Variants in SNAP91 observed in about 807,000 individuals in gnomAD.
The protein encoded by SNAP91 is clathrin coat assembly protein AP180.
In SNAP91, 27 loss-of-function variants were observed where a neutral mutation model predicts 100.3. That is an observed-to-expected ratio of 0.27 (90% confidence interval 0.20 to 0.37). SNAP91 has a LOEUF of 0.37. Among genes scored for constraint, SNAP91 ranks in the 10% least tolerant of loss-of-function variants. SNAP91 has a pLI of 1.00. For missense variants in SNAP91, 986 were observed against 1,123.7 expected (o/e 0.88, Z 1.75); for synonymous variants, 404 against 398.6 (o/e 1.01, Z -0.16).
At chr6:83,665,244 A>G (rs2098657706) in intron 3 of SNAP91, among the ~76,000 whole-genome samples, 195 bp downstream of exon 3, 1 of 151,972 alleles carries the variant, frequency 6.6e-6, no homozygotes, top group African/African-American at 2.4e-5. Flanking sequence ...CTCTAAGACA[A>G]TGTCTAACTT....
chr6:83,556,767 G>A (rs1282739904), intron 28 of SNAP91, among the ~76,000 whole-genome samples: 2 of 152,218 alleles, frequency 1.3e-5, no homozygotes, highest in Non-Finnish European at 1.5e-5. Flanking sequence ...TTTTCCTGTA[G>A]TGAGAGTGAA....
chr6:83,680,285 G>A (rs965866804), intron 2 of SNAP91, among the ~76,000 whole-genome samples: 8 of 152,120 alleles, frequency 5.3e-5, no homozygotes, highest in African/African-American at 1.9e-4. Context: ...AAAGGAATAA[G>A]TAAGGTTTTA....
intron 6 of SNAP91, among the ~76,000 whole-genome samples, chr6:83,658,191 G>A (rs779864993): frequency 6.6e-6 from 1 of 152,126 alleles, no homozygotes; most frequent in Non-Finnish European, 1.5e-5. Context: ...TTATCCTAAT[G>A]GTAACATCCT....
chr6:83,605,636 A>G lies in SNAP91; in HGVS notation c.1141+49T>C, dbSNP rs1224493214. 4.5e-6 allele frequency: 7 copies of G among 1,547,190 alleles called. No homozygotes were observed. The Middle Eastern group carries it at 6.7e-4, about 148-fold the overall frequency. ...AACAATTATAGCCTAAGTAAAAACA[A>G]TGAAATAAAATGAATAGAGAAATGG... On this transcript the variant is annotated intron_variant, in intron 14 of 29. Coordinates refer to ENST00000369694, the MANE Select transcript of SNAP91 (RefSeq NM_001242792.2).
Position 83,560,118 on chromosome 6 carries a change from C to T in SNAP91, c.2617G>A (p.Val873Ile). 6.2e-7 allele frequency: 1 copy of T among 1,613,828 alleles called. No individual in the cohort carries two copies. The highest frequency in any genetic ancestry group is 8.5e-7 in the Non-Finnish European group (1 of 1,179,780). The change falls in exon 28 of 30, where the codon GTA becomes ATA. Residue 873 changes from valine to isoleucine, a missense_variant. Around this residue, in one of 4 missense-constraint regions of SNAP91, gnomAD observed 71 missense variants for 68.5 expected, o/e 1.04. Coordinates refer to ENST00000369694, the MANE Select transcript of SNAP91 (RefSeq NM_001242792.2). ...MMRPPFGAAA[V>I]PGTQLSPSPT... The stretch of plus-strand genomic sequence containing the variant: ...AAGAAACTGACCTGCGTGCCAGGTA[C>T]AGCGGCAGCTCCAAAGGGGGGCCTC...
chr6:83,619,110 T>C (rs553616779), intron 9 of SNAP91, among the ~76,000 whole-genome samples: 1 of 120,956 alleles, frequency 8.3e-6, no homozygotes, highest in East Asian at 2.6e-4. Context: ...TAAGTAGAAG[T>C]CACAAAAAAA....
chr6:83,665,005 T>C (rs1447716688), intron 3 of SNAP91, among the ~76,000 whole-genome samples: 1 of 152,110 alleles, frequency 6.6e-6, no homozygotes, highest in Non-Finnish European at 1.5e-5. Context: ...AGATGATCAT[T>C]TGATAATAAT....
intron 8 of SNAP91, among the ~76,000 whole-genome samples, 174 bp downstream of exon 8, chr6:83,640,922 A>C (rs1260030649): frequency 6.6e-6 from 1 of 152,192 alleles, no homozygotes; most frequent in Non-Finnish European, 1.5e-5. Context: ...GCTCTGAGTG[A>C]GAAGTTGGAT....
intron 8 of SNAP91, among the ~76,000 whole-genome samples, chr6:83,631,315 G>C (rs918786924): frequency 6.6e-6 from 1 of 152,096 alleles, no homozygotes; most frequent in African/African-American, 2.4e-5. Context: ...TGTATATTCT[G>C]TGGTTGATGG....
chr6:83,625,319 T>C (rs2096890475), intron 8 of SNAP91, among the ~76,000 whole-genome samples: 1 of 152,140 alleles, frequency 6.6e-6, no homozygotes, highest in Non-Finnish European at 1.5e-5. Context: ...ATTCCATGTC[T>C]TTGCTATTTG....
chr6:83,679,921 A>ATT (rs893600249), intron 2 of SNAP91, among the ~76,000 whole-genome samples: 1 of 150,890 alleles, frequency 6.6e-6, no homozygotes, highest in African/African-American at 2.4e-5. Context: ...GTCCACTTAC[A>ATT]TTTTTTTTTC....
At chr6:83,654,627 G>A (rs1195783141) in intron 7 of SNAP91, among the ~76,000 whole-genome samples, 3 of 147,268 alleles carry the variant, frequency 2.0e-5, no homozygotes, top group African/African-American at 7.3e-5. Context: ...TGAATGCATA[G>A]TTTGAGTAGA....
At chr6:83,695,193 C>A (rs1343836340) in intron 2 of SNAP91, among the ~76,000 whole-genome samples, 1 of 143,700 alleles carries the variant, frequency 7.0e-6, no homozygotes, top group Admixed American at 7.5e-5. Flanking sequence ...AGGAGAATCA[C>A]CAGAACCCAG....
At chr6:83,555,192 C>G (rs376043548) in intron 29 of SNAP91, among the ~76,000 whole-genome samples, 4 of 151,256 alleles carry the variant, frequency 2.6e-5, no homozygotes, top group East Asian at 1.9e-4. Context: ...ATGTTAATAC[C>G]TTAGAATAAT....
At chr6:83,641,900 C>T (rs1224225768) in intron 7 of SNAP91, among the ~76,000 whole-genome samples, 3 of 152,170 alleles carry the variant, frequency 2.0e-5, no homozygotes, top group Non-Finnish European at 4.4e-5. Context: ...AGAATGCTGT[C>T]ATTAGGGAAC....
intron 26 of SNAP91, among the ~76,000 whole-genome samples, chr6:83,567,305 T>C (rs1436965628): frequency 6.6e-6 from 1 of 152,142 alleles, no homozygotes; most frequent in African/African-American, 2.4e-5. Flanking sequence ...TATTTCTGAA[T>C]TGCAAATGTC....
chr6:83,661,796 C>A (rs1430465157), intron 4 of SNAP91, among the ~76,000 whole-genome samples, 192 bp from the exon 5 acceptor site: 1 of 152,136 alleles, frequency 6.6e-6, no homozygotes, highest in African/African-American at 2.4e-5. Context: ...TTCCAGGATT[C>A]TTCAATTACT....
At chr6:83,626,539 G>A (rs76725724) in intron 8 of SNAP91, among the ~76,000 whole-genome samples, 4,301 of 151,968 alleles carry the variant, frequency 0.028, 184 homozygotes, top group African/African-American at 0.096. Context: ...TTCTTCCATT[G>A]GTGTTTTGTA....
intron 8 of SNAP91, among the ~76,000 whole-genome samples, chr6:83,638,205 T>C (rs754011329): frequency 1.1e-4 from 17 of 152,116 alleles, no homozygotes; most frequent in Non-Finnish European, 2.5e-4. Flanking sequence ...CCCGGCTTCC[T>C]CCCTCTTCAA....
Sources: allele counts gnomAD v4.1 joint callset (sites outside exome capture counted in the v4.1 genomes callset), GRCh38; gene constraint gnomAD v4.1.1; regional missense constraint gnomAD v4.1.1; transcripts MANE v1.5; gene names NCBI Gene and HGNC (gene_info 2026-07-23, HGNC 2026-07-21).